CASR: variants seen among roughly 807,000 people sequenced by gnomAD.
CASR encodes extracellular calcium-sensing receptor.
A neutral mutation model predicts 69.1 loss-of-function variants in CASR; 23 were observed. The ratio of observed to expected loss-of-function variants is 0.33; its 90% CI spans 0.24 to 0.47. CASR has a LOEUF of 0.47. CASR is among the 20% of genes least tolerant of loss of function. The probability of loss-of-function intolerance (pLI) is 1.00; values close to 1 mark genes in which losing one functional copy is unlikely to be tolerated. For synonymous variants in CASR, 541 were observed against 544.7 expected (o/e 0.99, Z 0.10); for missense variants, 924 against 1,356.1 (o/e 0.68, Z 5.00).
intron 3 of CASR, 146 bp downstream of exon 3, chr3:122,257,533 C>A: frequency 1.6e-6 from 1 of 616,184 alleles, no homozygotes; most frequent in Non-Finnish European, 2.8e-6. Flanking sequence ...TGTATCATGA[C>A]CATTTGGGAT....
At chr3:122,252,446 A>G (rs980597961) in intron 1 of CASR, among the ~76,000 whole-genome samples, 1 of 98,716 alleles carries the variant, frequency 1.0e-5, no homozygotes, top group Non-Finnish European at 2.1e-5. Flanking sequence ...AGAAAGAAAG[A>G]AAAAAAAGAA....
intron 1 of CASR, among the ~76,000 whole-genome samples, chr3:122,219,366 G>A (rs1208513178): frequency 1.3e-5 from 2 of 152,194 alleles, no homozygotes; most frequent in Non-Finnish European, 2.9e-5. Flanking sequence ...GACCCCTAAA[G>A]AAGTGGTGGC....
chr3:122,223,648 C>A, intron 1 of CASR, among the ~76,000 whole-genome samples: 1 of 152,098 alleles, frequency 6.6e-6, no homozygotes, highest in East Asian at 1.9e-4. Context: ...TGAAATTATT[C>A]CAAAAAATTG....
intron 5 of CASR, among the ~76,000 whole-genome samples, chr3:122,280,323 C>G (rs904877755): frequency 6.6e-6 from 1 of 152,172 alleles, no homozygotes; most frequent in South Asian, 2.1e-4. Flanking sequence ...TCTCACCACT[C>G]TTATTCAACA....
intron 3 of CASR, among the ~76,000 whole-genome samples, chr3:122,258,028 T>C (rs2074575228): frequency 1.3e-5 from 2 of 152,242 alleles, no homozygotes; most frequent in Non-Finnish European, 2.9e-5. Flanking sequence ...AGTGCTTTAA[T>C]AAACATTCAG....
chr3:122,285,623 C>A lies in CASR; in HGVS notation c.*432C>A, dbSNP rs201188463. On this transcript the variant is annotated 3_prime_UTR_variant, in exon 7 of 7. Transcript: ENST00000639785. ...CCAGTCCTGCCCAATGCCTTGACAA[C>A]AGACTGAATTTTAAATGTTCACAAC... 1.5e-5 allele frequency: 3 copies of A among 198,622 alleles called. No individual in the cohort carries two copies. The highest frequency in any genetic ancestry group is 2.1e-5 in the Non-Finnish European group (2 of 95,332). 12.3% of individuals were successfully genotyped at this position (198,622 alleles called of 1,614,324 possible). A position where few individuals can be genotyped will look rare whatever the true frequency, so the allele number is the denominator to read the frequency against.
intron 1 of CASR, among the ~76,000 whole-genome samples, chr3:122,215,368 CA>C (rs1436708918): frequency 6.6e-6 from 1 of 152,092 alleles, no homozygotes; most frequent in Non-Finnish European, 1.5e-5. Context: ...CAGGAATGCA[CA>C]AAAAAAGATG....
chr3:122,240,965 T>C (rs1248825783), intron 1 of CASR, among the ~76,000 whole-genome samples: 1 of 151,904 alleles, frequency 6.6e-6, no homozygotes, highest in Non-Finnish European at 1.5e-5. Context: ...GAAGGAAATT[T>C]AAAAATCTCT....
intron 1 of CASR, among the ~76,000 whole-genome samples, chr3:122,228,370 G>A (rs183030369): frequency 2.0e-5 from 3 of 152,130 alleles, no homozygotes; most frequent in African/African-American, 7.2e-5. Context: ...TCTTTAGGTA[G>A]TTTTATGACA....
intron 1 of CASR, among the ~76,000 whole-genome samples, chr3:122,203,280 GGAGA>G (rs1181829237): frequency 6.6e-6 from 1 of 152,182 alleles, no homozygotes; most frequent in Non-Finnish European, 1.5e-5. Context: ...TATGAACACA[GGAGA>G]GACAGTCATG....
At chr3:122,278,228 T>G (rs1490741751) in intron 5 of CASR, among the ~76,000 whole-genome samples, 1 of 152,184 alleles carries the variant, frequency 6.6e-6, no homozygotes, top group African/African-American at 2.4e-5. Context: ...TTAACTGATG[T>G]TCTCAATTTT....
At chr3:122,190,005 C>T (rs1353265894) in intron 1 of CASR, among the ~76,000 whole-genome samples, 3 of 152,340 alleles carry the variant, frequency 2.0e-5, no homozygotes, top group East Asian at 3.9e-4. Context: ...GAGACGCCAG[C>T]TGTGGTGCCC....
chr3:122,225,891 C>T (rs1040384089), intron 1 of CASR, among the ~76,000 whole-genome samples: 1 of 152,154 alleles, frequency 6.6e-6, no homozygotes, highest in African/African-American at 2.4e-5. Context: ...TACTATGCAG[C>T]CATAAAAAGG....
intron 1 of CASR, among the ~76,000 whole-genome samples, chr3:122,191,677 T>A (rs967946797): frequency 2.6e-5 from 4 of 152,088 alleles, no homozygotes; most frequent in Admixed American, 2.6e-4. Flanking sequence ...CTCAAAAAAA[T>A]TTGCAACAAA....
At chr3:122,254,495 G>A (rs1380933544) in intron 2 of CASR, 121 bp downstream of exon 2, 11 of 1,007,410 alleles carry the variant, frequency 1.1e-5, no homozygotes, top group Admixed American at 7.9e-5. Context: ...GTGATTGATT[G>A]GTAATCATGC....
At chr3:122,268,170 A>G (rs560546109) in intron 4 of CASR, among the ~76,000 whole-genome samples, 5 of 152,222 alleles carry the variant, frequency 3.3e-5, no homozygotes, top group Non-Finnish European at 7.3e-5. Flanking sequence ...CCTGAGAAAT[A>G]GAGATCATGA....
intron 1 of CASR, among the ~76,000 whole-genome samples, chr3:122,207,174 G>A (rs970912565): frequency 2.0e-5 from 3 of 151,916 alleles, no homozygotes; most frequent in African/African-American, 7.2e-5. Context: ...TCTAAAGGGA[G>A]AGATAGACTG....
intron 1 of CASR, among the ~76,000 whole-genome samples, chr3:122,219,195 AATT>A (rs2074147383): frequency 6.6e-6 from 1 of 152,192 alleles, no homozygotes; most frequent in African/African-American, 2.4e-5. Context: ...GGGAAAAATT[AATT>A]ATTTCACACC....
In CASR at chr3:122,262,058, G is replaced by T. The variant is rs200196962; in HGVS notation, c.1023G>T (p.Lys341Asn). Residue 341 changes from lysine to asparagine, a missense_variant, in exon 4 of 7, where the codon AAG (lysine) becomes AAT (asparagine). Transcript: ENST00000639785. ...REFLKKVHPRKSVHNGFAKEF... is the reference protein window; with the variant it reads ...REFLKKVHPRNSVHNGFAKEF... Reference sequence around the variant, plus strand: ...TCCTGAAGAAGGTCCATCCCAGGAAGTCTGTCCACAATGGTTTTGCCAAGG... The same window carrying T: ...TCCTGAAGAAGGTCCATCCCAGGAATTCTGTCCACAATGGTTTTGCCAAGG... The T allele has an allele frequency of 3.2e-5, 51 of 1,614,112 alleles. No individual in the cohort carries two copies. The highest frequency in any genetic ancestry group is 3.9e-5 in the Non-Finnish European group (46 of 1,180,044).
Sources: allele counts gnomAD v4.1 joint callset (sites outside exome capture counted in the v4.1 genomes callset), GRCh38; gene constraint gnomAD v4.1.1; transcripts MANE v1.5; gene names NCBI Gene and HGNC (gene_info 2026-07-23, HGNC 2026-07-21).